The following FCHO2 variants were observed in gnomAD, a reference collection of about 807,000 sequenced individuals.
The protein encoded by FCHO2 is FCH and mu domain containing endocytic adaptor 2.
A neutral mutation model predicts 114.1 loss-of-function variants in FCHO2; 43 were observed. The observed-to-expected ratio is 0.38, with a 90% CI of 0.30 to 0.49. FCHO2 has a LOEUF of 0.49. Among genes scored for constraint, FCHO2 ranks in the 20% least tolerant of loss-of-function variants. The pLI is 0.97. For synonymous variants in FCHO2, 293 were observed against 315.2 expected (o/e 0.93, Z 0.75); for missense variants, 807 against 950.4 (o/e 0.85, Z 1.98).
intron 24 of FCHO2, among the ~76,000 whole-genome samples, chr5:73,086,434 G>A (rs1013869755): frequency 6.6e-6 from 1 of 152,192 alleles, no homozygotes; most frequent in Non-Finnish European, 1.5e-5. Context: ...AAGCTTCTGT[G>A]CAGGGGATCA....
intron 8 of FCHO2, among the ~76,000 whole-genome samples, chr5:73,017,833 G>T (rs879644933): frequency 6.6e-6 from 1 of 151,524 alleles, no homozygotes; most frequent in Non-Finnish European, 1.5e-5. Flanking sequence ...AGAAATTTGG[G>T]GATACACCAG....
chr5:73,057,602 T>TA (rs899259150), intron 16 of FCHO2, among the ~76,000 whole-genome samples: 5 of 152,132 alleles, frequency 3.3e-5, no homozygotes, highest in East Asian at 1.9e-4. Context: ...CTTAAGGGCT[T>TA]AAAAAAATCA....
At position 73,077,415 on chromosome 5, in the gene FCHO2, C is replaced by T; in HGVS notation, c.1769C>T (p.Thr590Ile). 1 of 1,596,660 alleles carries T rather than the reference C, an allele frequency of 6.3e-7. No individual in the cohort carries two copies. Among genetic ancestry groups the T allele is most frequent in the Admixed American group, 1.7e-5 (1 of 57,304 alleles). Residue 590 changes from threonine (T) to isoleucine (I), a missense_variant, in exon 21 of 26, where the codon ACT becomes ATT. Transcript: ENST00000430046. ...ATTAAAGTCTTCACCAGCAATCCAA[C>T]TCCAGCTGTGTTGTGCTTCAGGGTG... ...GIIKVFTSNPTPAVLCFRVKN... is the reference protein window; with the variant it reads ...GIIKVFTSNPIPAVLCFRVKN...
chr5:73,031,394 G>A (rs1756235464), intron 8 of FCHO2, among the ~76,000 whole-genome samples: 1 of 152,144 alleles, frequency 6.6e-6, no homozygotes, highest in Non-Finnish European at 1.5e-5. Flanking sequence ...TTTGAGTTTT[G>A]AGGGCAGTTT....
At chr5:73,066,268 T>C (rs1233511422) in intron 18 of FCHO2, among the ~76,000 whole-genome samples, 2 of 151,948 alleles carry the variant, frequency 1.3e-5, no homozygotes, top group Admixed American at 6.6e-5. Context: ...GGAGCACTAT[T>C]TTAAGTGGCT....
chr5:72,972,151 T>C (rs1327973746), intron 2 of FCHO2, among the ~76,000 whole-genome samples: 1 of 152,082 alleles, frequency 6.6e-6, no homozygotes, highest in Non-Finnish European at 1.5e-5. Context: ...TCCACCTTTG[T>C]TCTTTTGGCT....
At chr5:73,018,673 C>G (rs1427152147) in intron 8 of FCHO2, among the ~76,000 whole-genome samples, 2 of 152,094 alleles carry the variant, frequency 1.3e-5, no homozygotes, top group Admixed American at 1.3e-4. Flanking sequence ...AATCAAGGAG[C>G]CTCTGAAGTA....
At chr5:73,069,081 G>A (rs1742506026) in intron 19 of FCHO2, among the ~76,000 whole-genome samples, 1 of 152,102 alleles carries the variant, frequency 6.6e-6, no homozygotes, top group Admixed American at 6.6e-5. Flanking sequence ...TCTGTGAACT[G>A]ATAGTTGCGT....
chr5:72,997,550 C>T (rs1754186407), intron 5 of FCHO2: 1 of 1,323,864 alleles, frequency 7.6e-7, no homozygotes, highest in African/African-American at 1.4e-5. Flanking sequence ...TGACACAACC[C>T]TTCTCAACCT....
At chr5:72,991,209 C>T (rs773373753) in intron 5 of FCHO2, among the ~76,000 whole-genome samples, 9 of 152,098 alleles carry the variant, frequency 5.9e-5, no homozygotes, top group Non-Finnish European at 1.2e-4. Context: ...GGATTACAGG[C>T]GCATGACACC....
At chr5:72,992,051 A>C (rs1397789894) in intron 5 of FCHO2, among the ~76,000 whole-genome samples, 1 of 152,190 alleles carries the variant, frequency 6.6e-6, no homozygotes, top group African/African-American at 2.4e-5. Context: ...ATTTCTATAT[A>C]CCTGAGGTCC....
At chr5:72,974,262 G>A (rs1752735858) in intron 2 of FCHO2, among the ~76,000 whole-genome samples, 1 of 133,636 alleles carries the variant, frequency 7.5e-6, no homozygotes, top group South Asian at 2.4e-4. Flanking sequence ...TATCCTTGTT[G>A]ACTTTCTGTC....
At chr5:73,026,917 C>T (rs1289906613) in intron 8 of FCHO2, among the ~76,000 whole-genome samples, 1 of 151,758 alleles carries the variant, frequency 6.6e-6, no homozygotes, top group Admixed American at 6.6e-5. Context: ...GTCTCGAACT[C>T]TTGGCCTGAA....
chr5:73,051,295 A>C, intron 11 of FCHO2, 54 bp from the exon 12 acceptor site: 1 of 1,223,576 alleles, frequency 8.2e-7, no homozygotes, highest in East Asian at 2.6e-5. Context: ...GATAATCTCT[A>C]ATAATTTTGT....
At chr5:73,015,476 TG>T (rs1418515741) in intron 6 of FCHO2, 149 bp from the exon 7 acceptor site, 7 of 420,358 alleles carry the variant, frequency 1.7e-5, no homozygotes, top group Non-Finnish European at 3.0e-5. Flanking sequence ...TTGGCCAGGC[TG>T]GTCTTGAACT....
At chr5:73,060,098 A>T (rs908848682) in intron 17 of FCHO2, among the ~76,000 whole-genome samples, 1 of 151,714 alleles carries the variant, frequency 6.6e-6, no homozygotes, top group Non-Finnish European at 1.5e-5. Context: ...TTATAAAAGT[A>T]CTCTTTCTTC....
intron 1 of FCHO2, among the ~76,000 whole-genome samples, chr5:72,958,525 T>C (rs934581015): frequency 1.3e-5 from 2 of 152,224 alleles, no homozygotes; most frequent in Non-Finnish European, 2.9e-5. Context: ...TTCAATTCTA[T>C]TCCATTGTCT....
intron 9 of FCHO2, among the ~76,000 whole-genome samples, chr5:73,036,354 TG>T (rs1181539021): frequency 6.6e-6 from 1 of 152,096 alleles, no homozygotes; most frequent in Admixed American, 6.5e-5. Context: ...TTTGTTTTTT[TG>T]TTTTTTTCTG....
intron 8 of FCHO2, among the ~76,000 whole-genome samples, chr5:73,031,342 A>G (rs1237100891): frequency 6.6e-6 from 1 of 152,214 alleles, no homozygotes; most frequent in Non-Finnish European, 1.5e-5. Flanking sequence ...AGCTCTGATT[A>G]GAAGCAGAAA....
Sources: allele counts gnomAD v4.1 joint callset (sites outside exome capture counted in the v4.1 genomes callset), GRCh38; gene constraint gnomAD v4.1.1; transcripts MANE v1.5; gene names NCBI Gene and HGNC (gene_info 2026-07-23, HGNC 2026-07-21).